The following SMCO4 variants were observed in gnomAD, a reference collection of about 807,000 sequenced individuals.
The protein encoded by SMCO4 is single-pass membrane protein with coiled-coil domains 4.
In SMCO4, 4 loss-of-function variants were observed where a neutral mutation model predicts 3.6. That is an observed-to-expected ratio of 1.11 (90% confidence interval 0.54 to 2.53). The LOEUF is 2.53. Ranked by LOEUF, SMCO4 falls within the 30% of genes most tolerant of loss-of-function variation. The pLI is 0.02. For missense variants in SMCO4, 70 were observed against 80.8 expected, an observed-to-expected ratio of 0.87 and a Z score of 0.51; for synonymous variants, 36 against 35.3, an observed-to-expected ratio of 1.02 and a Z score of -0.07.
intron 1 of SMCO4, among the ~76,000 whole-genome samples, chr11:93,506,520 C>A (rs574849317): frequency 2.0e-5 from 3 of 151,398 alleles, no homozygotes; most frequent in Non-Finnish European, 2.9e-5. Context: ...CTCACTGCAA[C>A]CTCCACCTCC....
intron 1 of SMCO4, among the ~76,000 whole-genome samples, chr11:93,514,404 ATATATATATATATAT>A (rs1185361775): frequency 0.23 from 12,656 of 55,540 alleles, 1,094 homozygotes; most frequent in Non-Finnish European, 0.31. Context: ...ATATATATAT[ATATATATATATATAT>A]ATAAAATTTG....
chr11:93,498,774 T>C (rs1390018375), intron 2 of SMCO4, among the ~76,000 whole-genome samples: 2 of 152,144 alleles, frequency 1.3e-5, no homozygotes, highest in Admixed American at 6.5e-5. Context: ...GGGGGTACAA[T>C]GTGGGTCCAC....
At chr11:93,522,978 C>T (rs935778348) in intron 1 of SMCO4, among the ~76,000 whole-genome samples, 16 of 152,142 alleles carry the variant, frequency 1.1e-4, no homozygotes, top group African/African-American at 3.6e-4. Context: ...CTCAAGATCA[C>T]ACAGCAAATA....
chr11:93,535,384 T>A (rs892935808), intron 1 of SMCO4: 12 of 796,678 alleles, frequency 1.5e-5, no homozygotes, highest in Admixed American at 5.0e-5. Flanking sequence ...ACATCTACGA[T>A]CTCAGCAATA....
chr11:93,497,658 G>A (rs11606262), intron 2 of SMCO4, among the ~76,000 whole-genome samples: 2 of 151,328 alleles, frequency 1.3e-5, no homozygotes, highest in Non-Finnish European at 2.9e-5. Flanking sequence ...CAGATGGTTG[G>A]GGGGAACTGA....
the SMCO4 span, among the ~76,000 whole-genome samples, chr11:93,552,473 T>TTATTAC: frequency 6.9e-6 from 1 of 144,482 alleles, no homozygotes; most frequent in Non-Finnish European, 1.5e-5. Context: ...ATTATTATTA[T>TTATTAC]TATTATTATT....
chr11:93,549,122 A>AGTGTGTGTGTACACTCACATGC, the SMCO4 span, among the ~76,000 whole-genome samples: 1 of 152,022 alleles, frequency 6.6e-6, no homozygotes, highest in Non-Finnish European at 1.5e-5. Context: ...AGTGGCCATG[A>AGTGTGTGTGTACACTCACATGC]GTGTGTGTGT....
chr11:93,528,306 A>C (rs1380222774), intron 1 of SMCO4, among the ~76,000 whole-genome samples: 1 of 152,238 alleles, frequency 6.6e-6, no homozygotes, highest in Non-Finnish European at 1.5e-5. Context: ...ATCATCCAGA[A>C]ATAAAAAGCC....
intron 2 of SMCO4, among the ~76,000 whole-genome samples, chr11:93,480,911 T>C (rs1948584922): frequency 6.6e-6 from 1 of 152,174 alleles, no homozygotes; most frequent in Non-Finnish European, 1.5e-5. Flanking sequence ...TCCTAAGGTA[T>C]GAGATGACAA....
rs540456664 is a variant in SMCO4 at position 93,480,011 on chromosome 11, C to T, written c.-80-742G>A. On this transcript the variant is annotated intron_variant, in intron 2 of 2. Coordinates refer to ENST00000298966, the MANE Select transcript of SMCO4 (RefSeq NM_020179.3). ...GGATTCTCCTGTTAATTCTGTAGCT[C>T]ACGGAGGTGCCTAACAGGTGAAGTA... Among the ~76,000 whole-genome samples the T allele has an allele frequency of 3.9e-5, 6 of 152,272 alleles. No homozygotes were observed. The East Asian group carries it at 1.2e-3, about 29-fold the overall frequency.
At chr11:93,530,123 G>C (rs1310033521) in intron 1 of SMCO4, among the ~76,000 whole-genome samples, 1 of 152,230 alleles carries the variant, frequency 6.6e-6, no homozygotes. Flanking sequence ...CACATAGCTT[G>C]CACACTGACC....
intron 1 of SMCO4, among the ~76,000 whole-genome samples, chr11:93,515,931 T>C (rs899079469): frequency 6.6e-6 from 1 of 152,180 alleles, no homozygotes; most frequent in African/African-American, 2.4e-5. Context: ...CCCCTTTTAA[T>C]AGCTTTGACC....
chr11:93,526,180 G>A (rs1949105372), intron 1 of SMCO4, among the ~76,000 whole-genome samples: 1 of 152,016 alleles, frequency 6.6e-6, no homozygotes, highest in Non-Finnish European at 1.5e-5. Context: ...AGGGTCCAAT[G>A]AAGAGCAAGC....
chr11:93,483,690 G>GTC (rs1267624397), intron 2 of SMCO4, among the ~76,000 whole-genome samples: 2 of 152,172 alleles, frequency 1.3e-5, no homozygotes, highest in Non-Finnish European at 2.9e-5. Context: ...GCTCCAAGGG[G>GTC]TCTCTGTCCC....
intron 1 of SMCO4, among the ~76,000 whole-genome samples, chr11:93,525,498 A>T (rs1407118631): frequency 6.6e-6 from 1 of 152,164 alleles, no homozygotes; most frequent in Non-Finnish European, 1.5e-5. Flanking sequence ...ATTTTCAGAA[A>T]ATTTAAGGAA....
At chr11:93,507,583 G>C (rs1380074063) in intron 1 of SMCO4, among the ~76,000 whole-genome samples, 1 of 152,202 alleles carries the variant, frequency 6.6e-6, no homozygotes, top group Non-Finnish European at 1.5e-5. Context: ...GATGCATGAT[G>C]TTACAAAATG....
chr11:93,550,670 AT>A, the SMCO4 span, among the ~76,000 whole-genome samples: 6 of 151,826 alleles, frequency 4.0e-5, no homozygotes, highest in Non-Finnish European at 7.4e-5. Flanking sequence ...GAGACCCTGA[AT>A]TTTTTTTATT....
At chr11:93,490,407 T>C (rs1185128208) in intron 2 of SMCO4, among the ~76,000 whole-genome samples, 1 of 152,218 alleles carries the variant, frequency 6.6e-6, no homozygotes, top group African/African-American at 2.4e-5. Flanking sequence ...TTTGAAATGC[T>C]TATGATGTGC....
chr11:93,481,626 T>TG, intron 2 of SMCO4: 1 of 591,058 alleles, frequency 1.7e-6, no homozygotes, highest in Non-Finnish European at 2.1e-6. Context: ...AAAAATGTCT[T>TG]GCCAACAGTC....
Sources: gnomAD v4.1 joint callset for allele counts (sites outside exome capture counted in the v4.1 genomes callset) on GRCh38, gnomAD v4.1.1 for gene constraint, MANE v1.5 for transcripts, NCBI Gene and HGNC (gene_info 2026-07-23, HGNC 2026-07-21) for gene names.